The following OIT3 variants were observed in gnomAD, a reference collection of about 807,000 sequenced individuals.
OIT3 encodes oncoprotein induced transcript 3.
In OIT3, 41 loss-of-function variants were observed where a neutral mutation model predicts 52.2. That is an observed-to-expected ratio of 0.79 (90% CI 0.61 to 1.02). OIT3 has a LOEUF of 1.02. Among genes scored for constraint, OIT3 ranks in the 50% least tolerant of loss-of-function variants. OIT3 has a pLI of 0.00. For missense variants in OIT3, 634 were observed against 715.5 expected, an observed-to-expected ratio of 0.89 and a Z score of 1.30; for synonymous variants, 244 against 276.9, an observed-to-expected ratio of 0.88 and a Z score of 1.18.
chr10:72,912,272 C>CTTTTTTTTTT (rs749814581), intron 5 of OIT3, among the ~76,000 whole-genome samples: 4 of 125,846 alleles, frequency 3.2e-5, no homozygotes, highest in African/African-American at 1.3e-4. Flanking sequence ...TCTTTTTTTT[C>CTTTTTTTTTT]TTTTTTTTTT....
Position 72,924,750 on chromosome 10 carries a change from A to G in OIT3, c.1367+106A>G, listed in dbSNP as rs150127887. Reference sequence around the variant, plus strand: ...AAAACTGCATGGTACCACTGTCAGCAATTTATTAGTTCAGGAACCACTTAT... The same window carrying G: ...AAAACTGCATGGTACCACTGTCAGCGATTTATTAGTTCAGGAACCACTTAT... On this transcript the variant is annotated intron_variant, in intron 7 of 8. Coordinates refer to ENST00000334011, the MANE Select transcript of OIT3 (RefSeq NM_152635.3). 5.0e-5 allele frequency: 46 copies of G among 924,216 alleles called. No individual in the cohort carries two copies. In the East Asian group the frequency reaches 1.2e-3, roughly 25 times the overall value. The allele number at this position is 924,216 out of a possible 1,614,324, so 57.3% of individuals were successfully genotyped here. A position where few individuals can be genotyped will look rare whatever the true frequency, so the allele number is the denominator to read the frequency against.
intron 6 of OIT3, among the ~76,000 whole-genome samples, chr10:72,922,241 T>G (rs1054598899): frequency 1.3e-5 from 2 of 152,200 alleles, no homozygotes; most frequent in Non-Finnish European, 2.9e-5. Context: ...CTAGCAGGGT[T>G]GGGGAAGTGC....
At chr10:72,900,537 CA>C (rs1337937874) in intron 3 of OIT3, 53 bp downstream of exon 3, 1 of 945,246 alleles carries the variant, frequency 1.1e-6, no homozygotes, top group East Asian at 2.5e-5. Context: ...AAGGACAAAT[CA>C]AAAACTCTTC....
chr10:72,899,722 T>C (rs1564589160), intron 2 of OIT3, among the ~76,000 whole-genome samples: 1 of 149,022 alleles, frequency 6.7e-6, no homozygotes, highest in South Asian at 2.1e-4. Context: ...GATAGATAGA[T>C]AGATAGATAG....
At chr10:72,915,622 C>A (rs1846065959) in intron 6 of OIT3, among the ~76,000 whole-genome samples, 1 of 152,096 alleles carries the variant, frequency 6.6e-6, no homozygotes, top group Non-Finnish European at 1.5e-5. Context: ...ACATATTTTC[C>A]CATTTTCCCT....
Position 72,898,956 on chromosome 10 carries a change from G to T in OIT3, c.354G>T (p.Thr118=). The stretch of plus-strand genomic sequence containing the variant: ...GGAACTGCTGTCTCTGGAACACCAC[G>T]GTGGAAGTCAAGGCTTGCCCTGGAG... The part of the protein sequence containing the change: ...FNGNCCLWNT[T]VEVKACPGGY... Residue 118 remains threonine, a synonymous_variant, in exon 2 of 9, where the codon ACG becomes ACT. Coordinates refer to ENST00000334011, the MANE Select transcript of OIT3 (RefSeq NM_152635.3). 6.2e-7 allele frequency: 1 copy of T among 1,614,096 alleles called. No individual in the cohort carries two copies. The highest frequency in any genetic ancestry group is 8.5e-7 in the Non-Finnish European group (1 of 1,180,022).
chr10:72,917,725 C>A, intron 6 of OIT3: 1 of 1,084,086 alleles, frequency 9.2e-7, no homozygotes, highest in Non-Finnish European at 1.4e-6. Flanking sequence ...ATGAACTTGG[C>A]TGCCACTTTG....
chr10:72,904,424 G>T (rs1338370330), intron 3 of OIT3, among the ~76,000 whole-genome samples: 1 of 152,156 alleles, frequency 6.6e-6, no homozygotes, highest in Non-Finnish European at 1.5e-5. Flanking sequence ...CCCAAGCACG[G>T]ATGTCACCAT....
At chr10:72,906,132 G>A (rs1845976896) in intron 3 of OIT3, among the ~76,000 whole-genome samples, 1 of 152,200 alleles carries the variant, frequency 6.6e-6, no homozygotes, top group East Asian at 1.9e-4. Context: ...AACAGATTTT[G>A]AGGGTAATAG....
intron 7 of OIT3, among the ~76,000 whole-genome samples, chr10:72,928,989 T>C (rs948779295): frequency 3.3e-5 from 5 of 152,100 alleles, no homozygotes; most frequent in African/African-American, 1.2e-4. Context: ...GAAGGATCGC[T>C]TGAGTGGTCT....
rs1846091507 is a variant in OIT3 at position 72,918,307 on chromosome 10, C to T, written c.951+4839C>T. ...GGCTATACAGACATTTTCAAAGTTGCCAGTGTGACTTTAATTGGACTGCCT... is the reference window on the plus strand; with the variant it reads ...GGCTATACAGACATTTTCAAAGTTGTCAGTGTGACTTTAATTGGACTGCCT... On this transcript the variant is annotated intron_variant, in intron 6 of 8. Coordinates refer to ENST00000334011, the MANE Select transcript of OIT3 (RefSeq NM_152635.3). 19 of 772,706 alleles carry T rather than the reference C, an allele frequency of 2.5e-5. 1 individual carries two copies. The highest frequency in any genetic ancestry group is 2.4e-4 in the South Asian group (18 of 74,754). 47.9% of individuals were successfully genotyped at this position (772,706 alleles called of 1,614,324 possible).
chr10:72,932,356 A>G lies in OIT3; in HGVS notation c.1470A>G (p.Glu490=). The G allele has an allele frequency of 6.2e-7, 1 of 1,614,096 alleles. No homozygotes were observed. The highest frequency in any genetic ancestry group is 8.5e-7 in the Non-Finnish European group (1 of 1,179,944). ...AACAGTCGTGATCATCTCTTCAGGA[A>G]GTGTTTCTGCACTGCCGGGTTCTTG... ...VFKFVGKDHK[E]VFLHCRVLVC... is the part of the protein sequence containing the mutation. Residue 490 remains glutamate, a splice_region_variant and synonymous_variant, in exon 9 of 9, where the codon GAA becomes GAG. Transcript: ENST00000334011.
At chr10:72,897,055 A>G (rs1169108325) in intron 1 of OIT3, among the ~76,000 whole-genome samples, 2 of 151,922 alleles carry the variant, frequency 1.3e-5, no homozygotes, top group Non-Finnish European at 2.9e-5. Context: ...ACGAAGTTTC[A>G]CTCTCTTGCC....
chr10:72,908,516 TTAAC>T (rs1477683527), intron 4 of OIT3, among the ~76,000 whole-genome samples: 2 of 152,216 alleles, frequency 1.3e-5, no homozygotes, highest in Non-Finnish European at 2.9e-5. Flanking sequence ...CTTTGCATTA[TTAAC>T]TGAGAGACCA....
chr10:72,910,652 A>AT (rs1846021133), intron 4 of OIT3, among the ~76,000 whole-genome samples: 1 of 152,250 alleles, frequency 6.6e-6, no homozygotes, highest in South Asian at 2.1e-4. Context: ...ACTATTATTG[A>AT]ACTGAGAGAG....
chr10:72,931,197 G>A (rs369526453), intron 8 of OIT3, among the ~76,000 whole-genome samples: 13 of 152,016 alleles, frequency 8.6e-5, no homozygotes, highest in South Asian at 2.1e-4. Context: ...TCATAAAATC[G>A]TCATATTCTT....
intron 3 of OIT3, 141 bp from the exon 4 acceptor site, chr10:72,906,455 G>A (rs1347481656): frequency 1.2e-6 from 1 of 854,658 alleles, no homozygotes; most frequent in Non-Finnish European, 1.9e-6. Context: ...GGATGGGAGT[G>A]ATGATACTGG....
chr10:72,928,108 G>A (rs971573849), intron 7 of OIT3, among the ~76,000 whole-genome samples: 8 of 151,552 alleles, frequency 5.3e-5, no homozygotes, highest in Middle Eastern at 6.8e-3. Context: ...CATTGTCCTC[G>A]GCTTAAATTT....
chr10:72,893,961 A>G (rs1845852129), intron 1 of OIT3, 102 bp downstream of exon 1: 1 of 700,608 alleles, frequency 1.4e-6, no homozygotes, highest in Admixed American at 3.0e-5. Flanking sequence ...CTTAAATGCT[A>G]GCTCTAGAAT....
Sources: allele counts gnomAD v4.1 joint callset (sites outside exome capture counted in the v4.1 genomes callset), GRCh38; gene constraint gnomAD v4.1.1; transcripts MANE v1.5; gene names NCBI Gene and HGNC (gene_info 2026-07-23, HGNC 2026-07-21).